Variants in ZNF208 observed in about 807,000 individuals in gnomAD.
ZNF208 encodes the protein zinc finger protein 95.
ZNF208 carries 10 observed loss-of-function variants against 12.1 expected under a neutral mutation model. The ratio of observed to expected loss-of-function variants is 0.83; its 90% confidence interval spans 0.51 to 1.40. The LOEUF (loss-of-function observed/expected upper bound fraction) is 1.40, where lower values mean the gene tolerates loss of function less well. Ranked by LOEUF, ZNF208 falls within the 40% of genes most tolerant of loss-of-function variation. The probability of loss-of-function intolerance (pLI) is 0.00; values close to 1 mark genes in which losing one functional copy is unlikely to be tolerated. For synonymous variants in ZNF208, 497 were observed against 488.4 expected (o/e 1.02, Z -0.23); for missense variants, 1,652 against 1,485.0 (o/e 1.11, Z -1.85).
intron 4 of ZNF208, chr19:21,939,957 T>C (rs930759282): frequency 2.6e-5 from 4 of 152,290 alleles, no homozygotes; most frequent in South Asian, 2.1e-4. Flanking sequence ...CCTAGGTAGA[T>C]TGGATCCTTG....
intron 3 of ZNF208, among the ~76,000 whole-genome samples, chr19:21,975,621 C>A (rs1291438159): frequency 1.2e-4 from 18 of 151,690 alleles, no homozygotes; most frequent in African/African-American, 4.1e-4. Flanking sequence ...ATAATTCCAT[C>A]AAAAATATTA....
chr19:21,997,338 T>C (rs1185438110), intron 1 of ZNF208, among the ~76,000 whole-genome samples: 2 of 152,174 alleles, frequency 1.3e-5, no homozygotes, highest in East Asian at 1.9e-4. Flanking sequence ...CAAAATAAAC[T>C]TTTCACATCT....
chr19:21,977,960 C>T (rs1324225549), intron 3 of ZNF208, among the ~76,000 whole-genome samples: 1 of 152,130 alleles, frequency 6.6e-6, no homozygotes, highest in Admixed American at 6.6e-5. Context: ...TAAACAAAGC[C>T]ACCCGGAAGA....
At chr19:21,948,559 G>A (rs1969846514) in intron 4 of ZNF208, among the ~76,000 whole-genome samples, 1 of 152,090 alleles carries the variant, frequency 6.6e-6, no homozygotes, top group South Asian at 2.1e-4. Flanking sequence ...AATTGCTGTT[G>A]CCCCTACAGA....
rs776342273 is a variant in ZNF208 at position 21,973,566 on chromosome 19, T to C, written c.1468A>G (p.Thr490Ala). 4.2e-5 allele frequency: 67 copies of C among 1,612,524 alleles called. No individual in the cohort carries two copies. The highest frequency in any genetic ancestry group is 8.0e-5 in the African/African-American group (6 of 74,540). ...PYKCEECDKATHAGEKPYKCE... is the reference protein window; with the variant it reads ...PYKCEECDKAAHAGEKPYKCE... ...TTGTAGGGTTTCTCTCCAGCATGAG[T>C]TGCCTTATCACATTCTTCACATTTG... The change falls in exon 4 of 4, where the codon ACT becomes GCT. Residue 490 changes from threonine to alanine, a missense_variant. Thr to Ala is a moderately conservative substitution (Grantham distance 58). Around this residue, in one of 3 missense-constraint regions of ZNF208, gnomAD observed 1,239 missense variants for 1,086.2 expected, o/e 1.14. Coordinates refer to ENST00000397126, the MANE Select transcript of ZNF208 (RefSeq NM_007153.3).
chr19:21,995,581 A>G (rs1331228602), intron 1 of ZNF208, among the ~76,000 whole-genome samples: 1 of 152,170 alleles, frequency 6.6e-6, no homozygotes, highest in East Asian at 1.9e-4. Flanking sequence ...ACAGGCAGAG[A>G]AGACTCAGGA....
At chr19:21,965,322 C>G (rs1970144955), downstream of ZNF208, among the ~76,000 whole-genome samples, 1 of 152,008 alleles carries the variant, frequency 6.6e-6, no homozygotes, top group African/African-American at 2.4e-5. Flanking sequence ...GAGGCTGTGG[C>G]TGTTGAAATT....
Position 21,971,441 on chromosome 19 carries a change from T to C in ZNF208, c.3593A>G (p.Lys1198Arg). ...KVIHTGEKLYKCEECGKAYKW... is the reference protein window; with the variant it reads ...KVIHTGEKLYRCEECGKAYKW... ...ATAGGCTTTGCCACATTCTTCACAT[T>C]TGTAGAGTTTCTCTCCAGTATGAAT... The change falls in exon 4 of 4, where the codon AAA becomes AGA. Residue 1198 changes from lysine (K) to arginine (R), a missense_variant. Around this residue, in one of 3 missense-constraint regions of ZNF208, gnomAD observed 1,239 missense variants for 1,086.2 expected, o/e 1.14. Coordinates refer to ENST00000397126, the MANE Select transcript of ZNF208 (RefSeq NM_007153.3). The C allele has an allele frequency of 6.2e-7, 1 of 1,610,338 alleles. No individual in the cohort carries two copies. Among genetic ancestry groups the C allele is most frequent in the South Asian group, 1.1e-5 (1 of 91,012 alleles).
At chr19:21,946,769 TG>T (rs1418891556) in intron 4 of ZNF208, among the ~76,000 whole-genome samples, 1 of 152,180 alleles carries the variant, frequency 6.6e-6, no homozygotes, top group Admixed American at 6.5e-5. Context: ...ACATTGGCTC[TG>T]TTCTAATCCA....
downstream of ZNF208, among the ~76,000 whole-genome samples, chr19:21,962,114 T>C (rs1376138303): frequency 6.6e-6 from 1 of 152,086 alleles, no homozygotes; most frequent in Non-Finnish European, 1.5e-5. Context: ...ATTATAAGAG[T>C]GTTTTTAGGG....
chr19:21,950,429 T>C (rs1447386717), intron 4 of ZNF208, among the ~76,000 whole-genome samples: 1 of 152,008 alleles, frequency 6.6e-6, no homozygotes, highest in Non-Finnish European at 1.5e-5. Flanking sequence ...TCTCCAAATC[T>C]GTCTCTTTCT....
chr19:21,964,838 T>A (rs1033484468), downstream of ZNF208, among the ~76,000 whole-genome samples: 5 of 151,914 alleles, frequency 3.3e-5, no homozygotes, highest in Non-Finnish European at 7.4e-5. Context: ...AAGATTGGAA[T>A]TACTGATCAC....
At chr19:21,955,777 C>T (rs1231346606) in intron 4 of ZNF208, among the ~76,000 whole-genome samples, 1 of 152,094 alleles carries the variant, frequency 6.6e-6, no homozygotes, top group Non-Finnish European at 1.5e-5. Context: ...GTTCGAACAT[C>T]CTCCTTTAGC....
At chr19:21,993,032 C>G (rs1970770338) in intron 1 of ZNF208, among the ~76,000 whole-genome samples, 1 of 152,094 alleles carries the variant, frequency 6.6e-6, no homozygotes, top group South Asian at 2.1e-4. Flanking sequence ...TGAGAATATG[C>G]CTTTAAAAGT....
chr19:21,985,104 C>T (rs7249691), intron 3 of ZNF208, among the ~76,000 whole-genome samples: 5,184 of 152,048 alleles, frequency 0.034, 303 homozygotes, highest in African/African-American at 0.12. Context: ...CCAATTATAA[C>T]GATAAATCTT....
rs1335988830 is a variant in ZNF208, at chr19:21,966,887, T to G, written c.*4304A>C. On this transcript the variant is annotated 3_prime_UTR_variant, in exon 4 of 4. Coordinates refer to ENST00000397126, the MANE Select transcript of ZNF208 (RefSeq NM_007153.3). The stretch of plus-strand genomic sequence containing the variant: ...CAATTTTTACATGTTTATTGGCAGC[T>G]CTTATGTCTTCCTTTGAGAAGAAGC... The G allele has an allele frequency of 6.6e-6, 1 of 152,186 alleles. No homozygotes were observed. The highest frequency in any genetic ancestry group is 2.4e-5 in the African/African-American group (1 of 41,458). 9.4% of individuals were successfully genotyped at this position (152,186 alleles called of 1,614,324 possible). A position where few individuals can be genotyped will look rare whatever the true frequency, so the allele number is the denominator to read the frequency against.
intron 4 of ZNF208, among the ~76,000 whole-genome samples, chr19:21,955,815 C>T (rs1180345848): frequency 6.6e-6 from 1 of 152,214 alleles, no homozygotes; most frequent in African/African-American, 2.4e-5. Flanking sequence ...TACCAATCGT[C>T]TGAAGCCTTC....
At chr19:21,951,536 T>G (rs1056449893) in intron 4 of ZNF208, among the ~76,000 whole-genome samples, 1 of 152,230 alleles carries the variant, frequency 6.6e-6, no homozygotes, top group African/African-American at 2.4e-5. Context: ...GTAAAAATAT[T>G]AACTAAATTC....
intron 3 of ZNF208, among the ~76,000 whole-genome samples, chr19:21,980,804 T>C (rs2214298): frequency 0.38 from 58,259 of 151,800 alleles, 11,619 homozygotes; most frequent in East Asian, 0.48. Flanking sequence ...ATTAACAAAA[T>C]AGACTGCTAG....
Sources: gnomAD v4.1 joint callset for allele counts (sites outside exome capture counted in the v4.1 genomes callset) on GRCh38, gnomAD v4.1.1 for gene constraint, gnomAD v4.1.1 regional missense constraint, MANE v1.5 for transcripts, NCBI Gene and HGNC (gene_info 2026-07-23, HGNC 2026-07-21) for gene names.